The following MAN2B1 variants were observed in gnomAD, a reference collection of about 807,000 sequenced individuals.
MAN2B1 encodes mannosidase alpha class 2B member 1, also known as lysosomal alpha-mannosidase.
A neutral mutation model predicts 127.5 loss-of-function variants in MAN2B1; 99 were observed. The observed-to-expected ratio is 0.78, with a 90% CI of 0.66 to 0.92. The LOEUF is 0.92. MAN2B1 is among the 40% of genes least tolerant of loss of function. The pLI, the probability that MAN2B1 is intolerant of heterozygous loss-of-function variation, is 0.00. For missense variants in MAN2B1, 1,304 were observed against 1,384.8 expected, an observed-to-expected ratio of 0.94 and a Z score of 0.93; for synonymous variants, 573 against 568.8, an observed-to-expected ratio of 1.01 and a Z score of -0.11.
In MAN2B1 at chr19:12,647,200, C is replaced by T; in HGVS notation, c.2923+33G>A. ...CCACCTGCCGGCCCCAGGTAAGACT[C>T]CACCCCTTCCCTACCCCTGACCAGG... On this transcript the variant is annotated intron_variant, in intron 23 of 23. Coordinates refer to ENST00000456935, the MANE Select transcript of MAN2B1 (RefSeq NM_000528.4). This position sits in a 1 kb window ranked among gnomAD's most constrained non-coding sequence, Gnocchi z 4.9. 1.9e-6 allele frequency: 3 copies of T among 1,578,124 alleles called. No homozygotes were observed. The highest frequency in any genetic ancestry group is 2.6e-6 in the Non-Finnish European group (3 of 1,147,482).
chr19:12,648,213 C>T lies in MAN2B1; in HGVS notation c.2626G>A (p.Gly876Ser), dbSNP rs979496069. ...GGAGCCCCGAGATTGTAGGCGGCGC[C>T]GCCACCCGGGGCCAGCACCACCTGA... Reference protein sequence around the residue: ...APQVVLAPGGGAAYNLGAPPR... With the variant: ...APQVVLAPGGSAAYNLGAPPR... Residue 876 changes from glycine (G) to serine (S), a missense_variant, in exon 21 of 24, where the codon GGC becomes AGC. Physicochemically the swap from Gly to Ser is moderately conservative, Grantham distance 56. Coordinates refer to ENST00000456935, the MANE Select transcript of MAN2B1 (RefSeq NM_000528.4). 3.2e-6 allele frequency: 5 copies of T among 1,565,868 alleles called. No individual in the cohort carries two copies. The highest frequency in any genetic ancestry group is 2.7e-5 in the African/African-American group (2 of 73,508).
Position 12,665,360 on chromosome 19 carries a change from A to G in MAN2B1, c.428T>C (p.Val143Ala). Residue 143 changes from valine (V) to alanine (A), a missense_variant, in exon 3 of 24, where the codon GTG (valine) becomes GCG (alanine). Transcript: ENST00000456935. ...NATQEVVRDL[V>A]RQGRLEFANG... ...CCTTGGGGTAGGCTCACCCTGGCGC[A>G]CAAGGTCTCGCACGACTTCCTGTGT... 1 of 1,606,256 alleles carries G rather than the reference A, an allele frequency of 6.2e-7. No individual in the cohort carries two copies. Among genetic ancestry groups the G allele is most frequent in the Non-Finnish European group, 8.5e-7 (1 of 1,179,984 alleles).
chr19:12,658,884 TCTTA>T, intron 7 of MAN2B1: 1 of 340,882 alleles, frequency 2.9e-6, no homozygotes, highest in Non-Finnish European at 5.7e-6. Context: ...TGGGACGGAG[TCTTA>T]CTTTGTTGCC....
In MAN2B1 at chr19:12,665,773, G is replaced by A. The variant is rs774892701; in HGVS notation, c.192C>T (p.Asn64=). The A allele has an allele frequency of 6.2e-7, 1 of 1,614,104 alleles. No homozygotes were observed. The highest frequency in any genetic ancestry group is 2.2e-5 in the East Asian group (1 of 44,886). Residue 64 remains asparagine, a synonymous_variant, in exon 2 of 24, where the codon AAC becomes AAT. Coordinates refer to ENST00000456935, the MANE Select transcript of MAN2B1 (RefSeq NM_000528.4). The part of the protein sequence containing the change: ...TCPTVQPNML[N]VHLLPHTHDD... ...CATGTGTGTGAGGCAGCAGGTGCAC[G>A]TTCAGCATGTTCGGCTGCACTGTGG...
At chr19:12,656,217 T>C (rs1036909761) in intron 13 of MAN2B1, 1 of 435,738 alleles carries the variant, frequency 2.3e-6, no homozygotes, top group African/African-American at 2.0e-5. Context: ...GCAATAAATT[T>C]TCCTGGGGAA....
intron 18 of MAN2B1, among the ~76,000 whole-genome samples, 191 bp from the exon 19 acceptor site, chr19:12,649,619 C>T (rs544402320): frequency 6.6e-6 from 1 of 151,758 alleles, no homozygotes; most frequent in South Asian, 2.1e-4. Flanking sequence ...GTAGCTGGGA[C>T]TACAGGTGCC....
intron 4 of MAN2B1, among the ~76,000 whole-genome samples, chr19:12,664,328 G>A (rs1277090075): frequency 6.6e-6 from 1 of 152,250 alleles, no homozygotes; most frequent in Non-Finnish European, 1.5e-5. Context: ...AGCAGGGAGA[G>A]GGCGGGTCCA....
At chr19:12,665,025 C>T (rs1324706146) in intron 3 of MAN2B1, 40 bp from the exon 4 acceptor site, 1 of 1,579,360 alleles carries the variant, frequency 6.3e-7, no homozygotes. Flanking sequence ...GCGGTCAGAG[C>T]CAGGAGTGGG....
intron 13 of MAN2B1, 191 bp downstream of exon 13, chr19:12,656,380 C>A: frequency 8.8e-6 from 5 of 565,840 alleles, no homozygotes; most frequent in Admixed American, 3.1e-5. Context: ...AAAGGGAGGA[C>A]CACTCACAGG....
At position 12,665,340 on chromosome 19, in the gene MAN2B1, G is replaced by T. The variant is rs373250649; in HGVS notation, c.436+12C>A. 12 of 1,602,436 alleles carry T rather than the reference G, an allele frequency of 7.5e-6. No individual in the cohort carries two copies. The highest frequency in any genetic ancestry group is 1.0e-5 in the Non-Finnish European group (12 of 1,179,952). ...TGGGCTTCCTCTTTTCACTTCCTTG[G>T]GGTAGGCTCACCCTGGCGCACAAGG... On this transcript the variant is annotated intron_variant, in intron 3 of 23. Coordinates refer to ENST00000456935, the MANE Select transcript of MAN2B1 (RefSeq NM_000528.4).
intron 16 of MAN2B1, among the ~76,000 whole-genome samples, chr19:12,650,664 A>G (rs2023823952): frequency 7.3e-6 from 1 of 136,570 alleles, no homozygotes; most frequent in Non-Finnish European, 1.6e-5. Context: ...GGCCCACATA[A>G]TTCTTTTTTC....
intron 14 of MAN2B1, among the ~76,000 whole-genome samples, chr19:12,653,397 T>C (rs541482194): frequency 5.5e-5 from 8 of 145,578 alleles, no homozygotes; most frequent in African/African-American, 1.5e-4. Context: ...CACCCCCCCC[T>C]CAGCCTCCCA....
chr19:12,660,363 G>A (rs184185519), intron 7 of MAN2B1, among the ~76,000 whole-genome samples: 8 of 152,186 alleles, frequency 5.3e-5, no homozygotes, highest in Admixed American at 2.0e-4. Flanking sequence ...TTAGCTGGGC[G>A]TGGTGGCACG....
Position 12,650,130 on chromosome 19 carries a change from C to T in MAN2B1, c.2139G>A (p.Glu713=). 6.2e-7 allele frequency: 1 copy of T among 1,614,140 alleles called. No individual in the cohort carries two copies. Among genetic ancestry groups the T allele is most frequent in the Non-Finnish European group, 8.5e-7 (1 of 1,180,030 alleles). Residue 713 remains glutamate (E), a synonymous_variant, in exon 17 of 24, where the codon GAG becomes GAA. Transcript: ENST00000456935. ...LYPGQRHLEL[E]WSVGPIPVGD... is the part of the protein sequence containing the mutation. Reference sequence around the variant, plus strand: ...CCACAGGTATCGGCCCCACCGACCACTCTAGCTCCAGGTGCCGCTGTCCTG... The same window carrying T: ...CCACAGGTATCGGCCCCACCGACCATTCTAGCTCCAGGTGCCGCTGTCCTG...
At chr19:12,646,853 T>G (rs2023700276) in intron 23 of MAN2B1, 121 bp from the exon 24 acceptor site, 1 of 729,342 alleles carries the variant, frequency 1.4e-6, no homozygotes, top group East Asian at 2.7e-5. Flanking sequence ...CTCCAGGGCC[T>G]CAATCCCAGA....
At position 12,661,340 on chromosome 19, in the gene MAN2B1, T is replaced by C. The variant is rs373636903; in HGVS notation, c.946A>G (p.Met316Val). ...YYRTNHTVMT[M>V]GSDFQYENAN... Reference sequence around the variant, plus strand: ...TTCTCATATTGGAAGTCCGAGCCCATGGTCATCACAGTGTGGTTGGTGCGG... The same window carrying C: ...TTCTCATATTGGAAGTCCGAGCCCACGGTCATCACAGTGTGGTTGGTGCGG... Residue 316 changes from methionine to valine, a missense_variant, in exon 7 of 24, where the codon ATG becomes GTG. Physicochemically the swap from Met to Val is conservative, Grantham distance 21. Transcript: ENST00000456935. 10 of 1,613,840 alleles carry C rather than the reference T, an allele frequency of 6.2e-6. No homozygotes were observed. The highest frequency in any genetic ancestry group is 7.6e-6 in the Non-Finnish European group (9 of 1,179,864).
intron 6 of MAN2B1, among the ~76,000 whole-genome samples, chr19:12,662,487 G>C (rs866664153): frequency 6.6e-6 from 1 of 151,980 alleles, no homozygotes; most frequent in Non-Finnish European, 1.5e-5. Flanking sequence ...AAACTTAGCC[G>C]AGCATGGTGG....
chr19:12,657,356 C>T, intron 11 of MAN2B1, 90 bp downstream of exon 11: 1 of 1,223,256 alleles, frequency 8.2e-7, no homozygotes, highest in Non-Finnish European at 1.2e-6. Flanking sequence ...CTCGGCTACG[C>T]CTCACACCTG....
chr19:12,656,447 A>T, intron 13 of MAN2B1, 124 bp downstream of exon 13: 1 of 724,768 alleles, frequency 1.4e-6, no homozygotes, highest in Non-Finnish European at 2.5e-6. Flanking sequence ...AAGATACAAG[A>T]GGGGGGAAGA....
Sources: gnomAD v4.1 joint callset for allele counts (sites outside exome capture counted in the v4.1 genomes callset) on GRCh38, gnomAD v4.1.1 for gene constraint, Gnocchi (gnomAD v3.1) non-coding constraint, MANE v1.5 for transcripts, NCBI Gene and HGNC (gene_info 2026-07-23, HGNC 2026-07-21) for gene names.